Variants in ACOT7 observed in about 807,000 individuals in gnomAD.
ACOT7 encodes acyl-CoA thioesterase 7.
In ACOT7, 12 loss-of-function variants were observed where a neutral mutation model predicts 40.2. That is an observed-to-expected ratio of 0.30 (90% CI 0.19 to 0.48). ACOT7 has a LOEUF of 0.48. ACOT7 is among the 20% of genes least tolerant of loss of function. The probability of loss-of-function intolerance (pLI) is 0.99; values close to 1 mark genes in which losing one functional copy is unlikely to be tolerated. For synonymous variants in ACOT7, 228 were observed against 219.5 expected, an observed-to-expected ratio of 1.04 and a Z score of -0.34; for missense variants, 395 against 530.8, an observed-to-expected ratio of 0.74 and a Z score of 2.51.
rs1639455684 is a variant in ACOT7, at chr1:6,284,766, TG to T, written c.830-3481del. ...AGGTGGGGTTGGGGTGATGAGCGAC[TG>T]GCCTCAGCCTCTACAAGGGCCCCTA... On this transcript the variant is annotated intron_variant, in intron 7 of 8. Coordinates refer to ENST00000361521, the MANE Select transcript of ACOT7 (RefSeq NM_007274.4). Among the ~76,000 whole-genome samples the T allele has an allele frequency of 3.3e-5, 5 of 152,190 alleles. No individual in the cohort carries two copies. The South Asian group carries it at 1.0e-3, about 32-fold the overall frequency.
At chr1:6,324,117 C>T (rs1162338728) in intron 5 of ACOT7, among the ~76,000 whole-genome samples, 1 of 145,154 alleles carries the variant, frequency 6.9e-6, no homozygotes, top group Non-Finnish European at 1.6e-5. Flanking sequence ...CAGGCTAAGC[C>T]ACCATACAGG....
chr1:6,384,374 A>G (rs1642401727), intron 1 of ACOT7, among the ~76,000 whole-genome samples: 1 of 151,896 alleles, frequency 6.6e-6, no homozygotes, highest in Non-Finnish European at 1.5e-5. Context: ...GCTGACAAGG[A>G]TATGGGGAAA....
At chr1:6,367,471 G>A (rs750751980) in intron 1 of ACOT7, among the ~76,000 whole-genome samples, 8 of 152,206 alleles carry the variant, frequency 5.3e-5, no homozygotes, top group Non-Finnish European at 8.8e-5. Context: ...GGAGCAGCGA[G>A]CAGTGTGTGA....
At chr1:6,334,023 G>A (rs1042462598) in intron 3 of ACOT7, among the ~76,000 whole-genome samples, 1 of 152,228 alleles carries the variant, frequency 6.6e-6, no homozygotes. Context: ...ACCCTGGAGG[G>A]CACCAACTGC....
chr1:6,300,389 G>T (rs1639933044), intron 6 of ACOT7, among the ~76,000 whole-genome samples: 1 of 151,660 alleles, frequency 6.6e-6, no homozygotes, highest in African/African-American at 2.4e-5. Flanking sequence ...CGGCTGCAAA[G>T]TCAGTGCCAT....
intron 1 of ACOT7, among the ~76,000 whole-genome samples, chr1:6,365,297 G>A (rs1361107700): frequency 1.3e-5 from 2 of 152,122 alleles, no homozygotes; most frequent in Non-Finnish European, 2.9e-5. Context: ...GGCTCACACA[G>A]GCATACCTCA....
At chr1:6,287,766 G>C (rs1447555274) in intron 7 of ACOT7, among the ~76,000 whole-genome samples, 1 of 152,232 alleles carries the variant, frequency 6.6e-6, no homozygotes, top group Non-Finnish European at 1.5e-5. Context: ...TAGCAAGACT[G>C]AGAGGTTGCC....
chr1:6,363,410 A>G (rs960103925), intron 1 of ACOT7, among the ~76,000 whole-genome samples: 3 of 152,048 alleles, frequency 2.0e-5, no homozygotes, highest in African/African-American at 7.2e-5. Flanking sequence ...CCTCTTGTGG[A>G]GGGCCTGACA....
chr1:6,298,246 T>C (rs1557638067), intron 6 of ACOT7, among the ~76,000 whole-genome samples: 1 of 152,198 alleles, frequency 6.6e-6, no homozygotes, highest in Non-Finnish European at 1.5e-5. Flanking sequence ...GCGATTCTCC[T>C]GTGTCAGCCT....
rs537962280 is a variant in ACOT7, at chr1:6,359,592, C to G, written c.144-9726G>C. On this transcript the variant is annotated intron_variant, in intron 1 of 8. Coordinates refer to ENST00000361521, the MANE Select transcript of ACOT7 (RefSeq NM_007274.4). The surrounding 1 kb of genome is among the most constrained non-coding windows in gnomAD (Gnocchi z 4.1). ...CTGCCACCTGTGGGCCCTGTGCCCC[C>G]CAACCCGTACTCTCTTCACTCCGCC... Among the ~76,000 whole-genome samples, 1 of 152,188 alleles carries G rather than the reference C, an allele frequency of 6.6e-6. No homozygotes were observed. The highest frequency in any genetic ancestry group is 1.5e-5 in the Non-Finnish European group (1 of 68,030).
intron 8 of ACOT7, among the ~76,000 whole-genome samples, chr1:6,276,173 T>C (rs1206698672): frequency 6.6e-6 from 1 of 152,104 alleles, no homozygotes; most frequent in Non-Finnish European, 1.5e-5. Flanking sequence ...GAGGCTACAA[T>C]GCCCACGCCT....
At chr1:6,281,369 G>A (rs1639355830) in intron 7 of ACOT7, 83 bp from the exon 8 acceptor site, 1 of 1,258,120 alleles carries the variant, frequency 7.9e-7, no homozygotes. Context: ...TGGTCAGCAG[G>A]CAGACACTTG....
chr1:6,350,615 C>A (rs1307922546), intron 1 of ACOT7, among the ~76,000 whole-genome samples: 1 of 152,254 alleles, frequency 6.6e-6, no homozygotes, highest in Admixed American at 6.5e-5. Flanking sequence ...TGGCACCTTC[C>A]CAGACAGCAC....
At chr1:6,280,863 C>T (rs867163475) in intron 8 of ACOT7, among the ~76,000 whole-genome samples, 1 of 152,012 alleles carries the variant, frequency 6.6e-6, no homozygotes, top group Non-Finnish European at 1.5e-5. Context: ...CCCACGGGCC[C>T]TGGGAGTACA....
intron 4 of ACOT7, among the ~76,000 whole-genome samples, chr1:6,332,828 C>T (rs1163805863): frequency 7.1e-6 from 1 of 140,720 alleles, no homozygotes; most frequent in Non-Finnish European, 1.5e-5. Context: ...CTCAAAAAAA[C>T]AAAAAAAAAC....
chr1:6,269,877 C>G (rs1638975290), intron 8 of ACOT7, among the ~76,000 whole-genome samples: 1 of 152,238 alleles, frequency 6.6e-6, no homozygotes, highest in African/African-American at 2.4e-5. Flanking sequence ...CGCCCATAAG[C>G]GCTGCCCTCC....
chr1:6,332,694 G>A (rs950613716), intron 4 of ACOT7, among the ~76,000 whole-genome samples: 6 of 152,106 alleles, frequency 3.9e-5, no homozygotes, highest in Middle Eastern at 6.8e-3. Flanking sequence ...GGTGGCGGGC[G>A]CCTGTAGTCC....
chr1:6,385,491 T>C (rs746242908), intron 1 of ACOT7: 2 of 1,606,828 alleles, frequency 1.2e-6, no homozygotes, highest in African/African-American at 2.7e-5. Context: ...CCAGTCATCC[T>C]ACCTTCCAGT....
chr1:6,379,611 G>A (rs1306952470), intron 1 of ACOT7, among the ~76,000 whole-genome samples: 3 of 151,616 alleles, frequency 2.0e-5, no homozygotes, highest in Non-Finnish European at 4.4e-5. Flanking sequence ...CTACAGGCAT[G>A]CACCACCACA....
Sources: gnomAD v4.1 joint callset for allele counts (sites outside exome capture counted in the v4.1 genomes callset) on GRCh38, gnomAD v4.1.1 for gene constraint, Gnocchi (gnomAD v3.1) non-coding constraint, MANE v1.5 for transcripts, NCBI Gene and HGNC (gene_info 2026-07-23, HGNC 2026-07-21) for gene names.